LYPLAL1: variants seen among roughly 807,000 people sequenced by gnomAD.
The protein encoded by LYPLAL1 is lysophospholipase like 1.
In LYPLAL1, 23 loss-of-function variants were observed where a neutral mutation model predicts 19.7. That is an observed-to-expected ratio of 1.17 (90% CI 0.84 to 1.65). The LOEUF is 1.65. LYPLAL1 is among the 40% of genes most tolerant of loss of function. The pLI, the probability that LYPLAL1 is intolerant of heterozygous loss-of-function variation, is 0.00. For missense variants in LYPLAL1, 355 were observed against 279.4 expected, an observed-to-expected ratio of 1.27 and a Z score of -1.93; for synonymous variants, 119 against 96.3, an observed-to-expected ratio of 1.24 and a Z score of -1.38.
At chr1:219,332,208 G>A in the LYPLAL1 span, among the ~76,000 whole-genome samples, 10 of 152,126 alleles carry the variant, frequency 6.6e-5, no homozygotes, top group Admixed American at 1.3e-4. Flanking sequence ...AAAAGACAAG[G>A]TGGAGCTGGG....
At position 219,211,540 on chromosome 1, in the gene LYPLAL1, G is replaced by C. The variant is rs1659042461; in HGVS notation, c.526G>C (p.Gly176Arg). The stretch of plus-strand genomic sequence containing the variant: ...ACTTCCTGAATTATTTCAGTGTCAT[G>C]GTACTGCAGATGAGTTAGTTCTTCA... Reference protein sequence around the residue: ...GVLPELFQCHGTADELVLHSW... With the variant: ...GVLPELFQCHRTADELVLHSW... Residue 176 changes from glycine to arginine, a missense_variant, in exon 5 of 5, where the codon GGT becomes CGT. Coordinates refer to ENST00000366928, the MANE Select transcript of LYPLAL1 (RefSeq NM_138794.5). 6.2e-7 allele frequency: 1 copy of C among 1,612,984 alleles called. No individual in the cohort carries two copies. The highest frequency in any genetic ancestry group is 8.5e-7 in the Non-Finnish European group (1 of 1,179,330).
intron 3 of LYPLAL1, among the ~76,000 whole-genome samples, chr1:219,196,750 C>T (rs537918742): frequency 2.8e-4 from 42 of 152,218 alleles, no homozygotes; most frequent in African/African-American, 9.9e-4. Context: ...CTAGAAAACT[C>T]TATCGTTTCA....
chr1:219,317,122 T>G, the LYPLAL1 span, among the ~76,000 whole-genome samples: 1 of 152,248 alleles, frequency 6.6e-6, no homozygotes, highest in African/African-American at 2.4e-5. Context: ...TGTTCAATTT[T>G]TATAAACTTG....
At chr1:219,341,917 T>G in the LYPLAL1 span, among the ~76,000 whole-genome samples, 1 of 152,178 alleles carries the variant, frequency 6.6e-6, no homozygotes, top group Admixed American at 6.6e-5. Context: ...AGATTTGTTT[T>G]ACTGAAGAGA....
chr1:219,253,616 T>C, the LYPLAL1 span, among the ~76,000 whole-genome samples: 1 of 151,804 alleles, frequency 6.6e-6, no homozygotes, highest in Non-Finnish European at 1.5e-5. Flanking sequence ...TTTACTTCTA[T>C]TTTTACTGAG....
chr1:219,174,955 T>C lies in LYPLAL1; in HGVS notation c.91+974T>C, dbSNP rs946347279. The C allele has an allele frequency of 4.1e-6, 4 of 985,316 alleles. No homozygotes were observed. In the Admixed American group the frequency reaches 1.8e-4, roughly 45 times the overall value. 61.0% of individuals were successfully genotyped at this position (985,316 alleles called of 1,614,324 possible). On this transcript the variant is annotated intron_variant, in intron 1 of 4. Coordinates refer to ENST00000366928, the MANE Select transcript of LYPLAL1 (RefSeq NM_138794.5). Reference sequence around the variant, plus strand: ...AGAAAAAAATGTGGTTAGGCATTATTAAGGCATTTGGAAGATGAAAAGCTT... The same window carrying C: ...AGAAAAAAATGTGGTTAGGCATTATCAAGGCATTTGGAAGATGAAAAGCTT...
the LYPLAL1 span, among the ~76,000 whole-genome samples, chr1:219,400,612 A>T: frequency 6.6e-6 from 1 of 151,852 alleles, no homozygotes; most frequent in Non-Finnish European, 1.5e-5. Flanking sequence ...TCTTGTATCT[A>T]GCCTCTCGAG....
the LYPLAL1 span, among the ~76,000 whole-genome samples, chr1:219,415,164 C>A: frequency 6.6e-6 from 1 of 152,146 alleles, no homozygotes; most frequent in South Asian, 2.1e-4. Flanking sequence ...TGTCACCACT[C>A]TTGGTTAGGA....
chr1:219,185,257 G>A lies in LYPLAL1; in HGVS notation c.191+6011G>A, dbSNP rs1488572313. Among the ~76,000 whole-genome samples, 4 of 151,520 alleles carry A rather than the reference G, an allele frequency of 2.6e-5. No homozygotes were observed. The East Asian group carries it at 5.8e-4, about 22-fold the overall frequency. On this transcript the variant is annotated intron_variant, in intron 2 of 4. Coordinates refer to ENST00000366928, the MANE Select transcript of LYPLAL1 (RefSeq NM_138794.5). ...TGTTGATAACTTTTATTTCATTGCTGGTAATAATTTGTATATTTTCTCTTT... is the reference window on the plus strand; with the variant it reads ...TGTTGATAACTTTTATTTCATTGCTAGTAATAATTTGTATATTTTCTCTTT...
At chr1:219,283,988 C>T in the LYPLAL1 span, among the ~76,000 whole-genome samples, 1 of 152,148 alleles carries the variant, frequency 6.6e-6, no homozygotes, top group African/African-American at 2.4e-5. Context: ...TTGTAATTCC[C>T]ACGTATGGAG....
At chr1:219,283,916 A>G in the LYPLAL1 span, among the ~76,000 whole-genome samples, 10,109 of 152,246 alleles carry the variant, frequency 0.066, 468 homozygotes, top group Non-Finnish European at 0.1. Context: ...GAGACTCAGA[A>G]TGAAATTGTT....
the LYPLAL1 span, among the ~76,000 whole-genome samples, chr1:219,355,855 T>C: frequency 6.6e-6 from 1 of 152,094 alleles, no homozygotes; most frequent in African/African-American, 2.4e-5. Context: ...CTAAACTACA[T>C]ACTTCTAAAT....
intron 1 of LYPLAL1, chr1:219,174,290 G>C (rs1440215154): frequency 1.2e-5 from 15 of 1,254,194 alleles, no homozygotes; most frequent in Non-Finnish European, 1.4e-5. Flanking sequence ...AGTTTAAACA[G>C]AGCAAGTTAG....
chr1:219,248,220 A>G, the LYPLAL1 span, among the ~76,000 whole-genome samples: 1 of 152,166 alleles, frequency 6.6e-6, no homozygotes, highest in African/African-American at 2.4e-5. Context: ...ATTCAGTGTT[A>G]AAAGACTCTT....
At chr1:219,241,174 A>G in the LYPLAL1 span, among the ~76,000 whole-genome samples, 1 of 110,302 alleles carries the variant, frequency 9.1e-6, no homozygotes, top group African/African-American at 3.4e-5. Context: ...ATTTTTCATG[A>G]TATTTCCACT....
chr1:219,268,460 G>A, the LYPLAL1 span, among the ~76,000 whole-genome samples: 1 of 152,180 alleles, frequency 6.6e-6, no homozygotes, highest in Non-Finnish European at 1.5e-5. Flanking sequence ...TGGAGGTGGA[G>A]GAAATGGGCT....
chr1:219,394,831 G>A, the LYPLAL1 span, among the ~76,000 whole-genome samples: 1 of 152,170 alleles, frequency 6.6e-6, no homozygotes, highest in Admixed American at 6.5e-5. Context: ...CCCATTATGT[G>A]TTCATGTGTT....
chr1:219,271,944 A>G, the LYPLAL1 span: 1 of 152,164 alleles, frequency 6.6e-6, no homozygotes, highest in African/African-American at 2.4e-5. Flanking sequence ...TTTGCAGGAG[A>G]CTGACTTTAT....
At chr1:219,401,171 T>C in the LYPLAL1 span, among the ~76,000 whole-genome samples, 4 of 152,006 alleles carry the variant, frequency 2.6e-5, no homozygotes, top group Non-Finnish European at 4.4e-5. Context: ...CACAAATTGC[T>C]CTCATCAATT....
Sources: allele counts gnomAD v4.1 joint callset (sites outside exome capture counted in the v4.1 genomes callset), GRCh38; gene constraint gnomAD v4.1.1; transcripts MANE v1.5; gene names NCBI Gene and HGNC (gene_info 2026-07-23, HGNC 2026-07-21).